ITGA8: variants seen among roughly 807,000 people sequenced by gnomAD.
The protein encoded by ITGA8 is integrin subunit alpha 8, also known as integrin alpha-8.
Under a neutral mutation model 142.3 loss-of-function variants are expected in ITGA8, and 91 were observed. The ratio of observed to expected loss-of-function variants is 0.64; its 90% CI spans 0.54 to 0.76. The LOEUF (loss-of-function observed/expected upper bound fraction) is 0.76, where lower values mean the gene tolerates loss of function less well. Among genes scored for constraint, ITGA8 ranks in the 30% least tolerant of loss-of-function variants. The probability of loss-of-function intolerance (pLI) is 0.00; values close to 1 mark genes in which losing one functional copy is unlikely to be tolerated. For missense variants in ITGA8, 1,406 were observed against 1,327.7 expected (o/e 1.06, Z -0.92); for synonymous variants, 505 against 485.2 (o/e 1.04, Z -0.54).
In ITGA8 at chr10:15,517,026, GTTTCCAGGGT is replaced by G; in HGVS notation, c.*122_*131del. ...CAAAGTGCGGTGTAGATGAGGTGAT[GTTTCCAGGGT>G]CCCCTCCATTTCCTGGGTCACTGTC... On this transcript the variant is annotated 3_prime_UTR_variant, in exon 30 of 30. Coordinates refer to ENST00000378076, the MANE Select transcript of ITGA8 (RefSeq NM_003638.3). 1 of 487,032 alleles carries G rather than the reference GTTTCCAGGGT, an allele frequency of 2.1e-6. No homozygotes were observed. The highest frequency in any genetic ancestry group is 3.7e-5 in the South Asian group (1 of 27,138). 30.2% of individuals were successfully genotyped at this position (487,032 alleles called of 1,614,324 possible). A position where few individuals can be genotyped will look rare whatever the true frequency, so the allele number is the denominator to read the frequency against.
intron 6 of ITGA8, among the ~76,000 whole-genome samples, chr10:15,677,091 G>C (rs933542067): frequency 1.3e-5 from 2 of 152,200 alleles, no homozygotes; most frequent in African/African-American, 2.4e-5. Context: ...TAAAAAAGTT[G>C]ATCTCATCGA....
intron 24 of ITGA8, among the ~76,000 whole-genome samples, chr10:15,575,026 G>A (rs569875214): frequency 4.3e-4 from 66 of 152,036 alleles, no homozygotes; most frequent in Non-Finnish European, 8.4e-4. Flanking sequence ...TTACTCAACC[G>A]AACACCCACT....
At chr10:15,657,509 CATTTTTTTTTTT>C (rs1220139410) in intron 10 of ITGA8, among the ~76,000 whole-genome samples, 1 of 116,500 alleles carries the variant, frequency 8.6e-6, no homozygotes, top group Non-Finnish European at 1.8e-5. Context: ...TCTTTTCTTT[CATTTTTTTTTTT>C]TTTTTTTTTT....
At chr10:15,664,599 T>G (rs989808575) in intron 8 of ITGA8, among the ~76,000 whole-genome samples, 1 of 151,922 alleles carries the variant, frequency 6.6e-6, no homozygotes, top group East Asian at 1.9e-4. Flanking sequence ...ATGTGCCATG[T>G]TGGTGTGCTG....
intron 20 of ITGA8, 125 bp from the exon 21 acceptor site, chr10:15,597,424 AG>A: frequency 1.4e-6 from 1 of 699,876 alleles, no homozygotes; most frequent in Non-Finnish European, 2.5e-6. Flanking sequence ...GTGCAAAAAA[AG>A]TAATTGATGA....
Position 15,608,237 on chromosome 10 carries a change from A to G in ITGA8, c.1607T>C (p.Ile536Thr). The part of the protein sequence containing the change: ...SVTGQSIANT[I>T]VLMAEVQLDS... The stretch of plus-strand genomic sequence containing the variant: ...TGTAAAAATGAAAACATGCTTACCT[A>G]TTGTGTTTGCAATGCTCTGGCCTGT... Residue 536 changes from isoleucine (I) to threonine (T), a missense_variant and splice_region_variant, in exon 16 of 30, where the codon ATA becomes ACA. Physicochemically the swap from Ile to Thr is moderately conservative, Grantham distance 89. Transcript: ENST00000378076. The G allele has an allele frequency of 6.3e-7, 1 of 1,592,788 alleles. No homozygotes were observed. Among genetic ancestry groups the G allele is most frequent in the Non-Finnish European group, 8.6e-7 (1 of 1,167,520 alleles).
chr10:15,574,041 T>C (rs1834237537), intron 24 of ITGA8, among the ~76,000 whole-genome samples: 1 of 152,194 alleles, frequency 6.6e-6, no homozygotes, highest in African/African-American at 2.4e-5. Context: ...AGGCTGGTCT[T>C]GAGCTTCTGG....
intron 14 of ITGA8, among the ~76,000 whole-genome samples, chr10:15,616,171 C>T (rs994392474): frequency 5.3e-5 from 8 of 152,206 alleles, no homozygotes; most frequent in African/African-American, 1.7e-4. Context: ...CATTCTTCTA[C>T]CCTGCACCGC....
Position 15,669,712 on chromosome 10 carries a change from T to C in ITGA8, c.847+1891A>G, listed in dbSNP as rs1834472165. On this transcript the variant is annotated intron_variant, in intron 8 of 29. Coordinates refer to ENST00000378076, the MANE Select transcript of ITGA8 (RefSeq NM_003638.3). ...TTTTGGTGTGGATGTCCTTTCTGTTTGTTAGTTTTCCTTCTAACAGACAGG... is the reference window on the plus strand; with the variant it reads ...TTTTGGTGTGGATGTCCTTTCTGTTCGTTAGTTTTCCTTCTAACAGACAGG... 2.0e-5 allele frequency among the ~76,000 whole-genome samples: 3 copies of C among 152,208 alleles called. No individual in the cohort carries two copies. In the South Asian group the frequency reaches 6.2e-4, roughly 31 times the overall value.
At chr10:15,588,539 T>C (rs1176362497) in intron 22 of ITGA8, among the ~76,000 whole-genome samples, 1 of 152,226 alleles carries the variant, frequency 6.6e-6, no homozygotes, top group Non-Finnish European at 1.5e-5. Flanking sequence ...ATTGTAGACT[T>C]TATGGTTCCA....
At chr10:15,640,209 T>G (rs540163001) in intron 13 of ITGA8, among the ~76,000 whole-genome samples, 4 of 152,252 alleles carry the variant, frequency 2.6e-5, no homozygotes, top group Admixed American at 6.5e-5. Flanking sequence ...AGGGCCTCAA[T>G]CCCCTCTACG....
At chr10:15,605,668 A>C (rs79772340) in intron 19 of ITGA8, 56 bp downstream of exon 19, 3 of 1,406,656 alleles carry the variant, frequency 2.1e-6, no homozygotes, top group Admixed American at 1.7e-5. Context: ...GAACCTTTAC[A>C]TAAATACCTG....
At chr10:15,701,457 CTA>C (rs1835162163) in intron 2 of ITGA8, among the ~76,000 whole-genome samples, 1 of 152,034 alleles carries the variant, frequency 6.6e-6, no homozygotes, top group South Asian at 2.1e-4. Flanking sequence ...GCCTTTGAAG[CTA>C]TCTCTCTGAA....
At chr10:15,651,750 C>T (rs529715898) in intron 11 of ITGA8, among the ~76,000 whole-genome samples, 24 of 152,040 alleles carry the variant, frequency 1.6e-4, no homozygotes, top group Non-Finnish European at 3.4e-4. Flanking sequence ...TGAGCAATGA[C>T]CTAGCCAAGT....
At chr10:15,589,213 T>C (rs891555310) in intron 22 of ITGA8, among the ~76,000 whole-genome samples, 1 of 152,198 alleles carries the variant, frequency 6.6e-6, no homozygotes, top group African/African-American at 2.4e-5. Context: ...TCCAATGCTA[T>C]TTTCTTTTTC....
chr10:15,666,879 T>C (rs1834404587), intron 8 of ITGA8, among the ~76,000 whole-genome samples: 1 of 152,224 alleles, frequency 6.6e-6, no homozygotes, highest in African/African-American at 2.4e-5. Flanking sequence ...CACTTGATCA[T>C]GGTGGATAAG....
rs900448366 is a variant in ITGA8, at chr10:15,515,075, T to A, written c.*2083A>T. The A allele has an allele frequency of 2.0e-5, 3 of 152,140 alleles. No individual in the cohort carries two copies. The highest frequency in any genetic ancestry group is 7.2e-5 in the African/African-American group (3 of 41,420). 9.4% of individuals were successfully genotyped at this position (152,140 alleles called of 1,614,324 possible). A position where few individuals can be genotyped will look rare whatever the true frequency, so the allele number is the denominator to read the frequency against. ...AGGACCCCAAATCCCAAGGAGCTAATCTCTATTGGTCACAGATCAGCCAGG... is the reference window on the plus strand; with the variant it reads ...AGGACCCCAAATCCCAAGGAGCTAAACTCTATTGGTCACAGATCAGCCAGG... On this transcript the variant is annotated 3_prime_UTR_variant, in exon 30 of 30. Coordinates refer to ENST00000378076, the MANE Select transcript of ITGA8 (RefSeq NM_003638.3).
intron 13 of ITGA8, among the ~76,000 whole-genome samples, chr10:15,632,690 T>C (rs1306431110): frequency 6.6e-6 from 1 of 152,192 alleles, no homozygotes; most frequent in Non-Finnish European, 1.5e-5. Context: ...GGTGAGGATA[T>C]TTATACCATG....
At chr10:15,597,135 G>A in intron 21 of ITGA8, 72 bp downstream of exon 21, 14 of 1,215,140 alleles carry the variant, frequency 1.2e-5, no homozygotes, top group Non-Finnish European at 1.7e-5. Context: ...GTGGTAACTG[G>A]AGAGCTTTCC....
Sources: gnomAD v4.1 joint callset for allele counts (sites outside exome capture counted in the v4.1 genomes callset) on GRCh38, gnomAD v4.1.1 for gene constraint, MANE v1.5 for transcripts, NCBI Gene and HGNC (gene_info 2026-07-23, HGNC 2026-07-21) for gene names.